The following TP53BP1 variants were observed in gnomAD, a reference collection of about 807,000 sequenced individuals.
TP53BP1 encodes the protein TP53-binding protein 1.
TP53BP1 carries 61 observed loss-of-function variants against 200.8 expected under a neutral mutation model. The ratio of observed to expected loss-of-function variants is 0.30; its 90% CI spans 0.25 to 0.38. TP53BP1 has a LOEUF of 0.38. Ranked by LOEUF, TP53BP1 falls within the 10% of genes least tolerant of loss-of-function variation. The pLI is 1.00. For missense variants in TP53BP1, 2,144 were observed against 2,371.9 expected (o/e 0.90, Z 2.00); for synonymous variants, 822 against 844.3 (o/e 0.97, Z 0.46).
At chr15:43,465,726 C>T (rs1448510353) in intron 11 of TP53BP1, among the ~76,000 whole-genome samples, 1 of 152,178 alleles carries the variant, frequency 6.6e-6, no homozygotes, top group Non-Finnish European at 1.5e-5. Flanking sequence ...GAAAATCCTA[C>T]AGGATTCCAG....
chr15:43,438,279 T>C (rs371955515), intron 16 of TP53BP1, 45 bp downstream of exon 16: 332 of 1,557,692 alleles, frequency 2.1e-4, no homozygotes, highest in Non-Finnish European at 2.7e-4. Context: ...CTAACCATTT[T>C]GTGAACCAAT....
At chr15:43,500,397 A>G (rs955713588) in intron 1 of TP53BP1, among the ~76,000 whole-genome samples, 2 of 152,130 alleles carry the variant, frequency 1.3e-5, no homozygotes, top group African/African-American at 4.8e-5. Flanking sequence ...CTTTTGTTGA[A>G]ATTTTTTTTT....
chr15:43,469,820 AAT>A, intron 11 of TP53BP1, 36 bp downstream of exon 11: 5 of 1,534,376 alleles, frequency 3.3e-6, no homozygotes, highest in African/African-American at 1.4e-5. Flanking sequence ...GCTTTAAAAA[AAT>A]ATGTTAGGAG....
At chr15:43,495,520 C>CAT (rs2079177447), upstream of TP53BP1, among the ~76,000 whole-genome samples, 1 of 145,492 alleles carries the variant, frequency 6.9e-6, no homozygotes, top group Non-Finnish European at 1.5e-5. Flanking sequence ...CACACACACA[C>CAT]ACACACACAC....
intron 13 of TP53BP1, 114 bp from the exon 14 acceptor site, chr15:43,446,704 A>G (rs980142079): frequency 1.3e-6 from 2 of 1,541,604 alleles, no homozygotes; most frequent in Non-Finnish European, 1.7e-6. Context: ...TGCAGGATTG[A>G]AGGAGGTTCC....
upstream of TP53BP1, among the ~76,000 whole-genome samples, chr15:43,494,558 T>G (rs2079168698): frequency 6.6e-6 from 1 of 152,226 alleles, no homozygotes; most frequent in Admixed American, 6.5e-5. Context: ...CACACAGAGA[T>G]GCATCTCACT....
intron 4 of TP53BP1, among the ~76,000 whole-genome samples, chr15:43,484,630 T>C (rs1202259054): frequency 6.6e-6 from 1 of 152,224 alleles, no homozygotes; most frequent in Non-Finnish European, 1.5e-5. Flanking sequence ...ACAGCCACAC[T>C]AACCTCCCTG....
intron 17 of TP53BP1, 102 bp from the exon 18 acceptor site, chr15:43,428,270 T>C: frequency 9.8e-7 from 1 of 1,017,798 alleles, no homozygotes; most frequent in Admixed American, 2.2e-5. Flanking sequence ...GCTCCATGAA[T>C]CTAGTGTGAC....
chr15:43,458,526 C>T (rs2046354874), intron 11 of TP53BP1, among the ~76,000 whole-genome samples: 1 of 152,050 alleles, frequency 6.6e-6, no homozygotes, highest in Non-Finnish European at 1.5e-5. Context: ...CACCTGTAAT[C>T]CCAGCACTTT....
At chr15:43,440,016 G>A (rs2045889015) in intron 15 of TP53BP1, among the ~76,000 whole-genome samples, 1 of 152,172 alleles carries the variant, frequency 6.6e-6, no homozygotes, top group African/African-American at 2.4e-5. Context: ...GCCCAATGAG[G>A]AACTAATCTC....
At chr15:43,483,460 A>T (rs1401416042) in intron 4 of TP53BP1, among the ~76,000 whole-genome samples, 1 of 152,216 alleles carries the variant, frequency 6.6e-6, no homozygotes, top group Non-Finnish European at 1.5e-5. Context: ...AAAAAGAGAG[A>T]AAAGATGCCA....
intron 11 of TP53BP1, among the ~76,000 whole-genome samples, chr15:43,461,059 C>T (rs914420881): frequency 6.6e-6 from 1 of 150,976 alleles, no homozygotes; most frequent in Admixed American, 6.6e-5. Context: ...TAGCAAAACA[C>T]AACAGCCCTG....
chr15:43,485,334 T>C (rs1360844499), intron 4 of TP53BP1, among the ~76,000 whole-genome samples: 14 of 152,072 alleles, frequency 9.2e-5, no homozygotes, highest in Admixed American at 6.5e-4. Context: ...TCCCAGCACT[T>C]TGGGAGGCTG....
Position 43,416,435 on chromosome 15 carries a change from A to T in TP53BP1, c.4682-19T>A. 2 of 1,611,080 alleles carry T rather than the reference A, an allele frequency of 1.2e-6. No homozygotes were observed. The highest frequency in any genetic ancestry group is 2.2e-5 in the East Asian group (1 of 44,868). ...ACCACTCCTGGGGGGTGGAAAGCAT[A>T]AAAGAAGCTTGCTGTTGTCTTAGGC... On this transcript the variant is annotated intron_variant, in intron 21 of 27. Coordinates refer to ENST00000382044, the MANE Select transcript of TP53BP1 (RefSeq NM_001141980.3).
In TP53BP1 at chr15:43,420,477, A is replaced by G. The variant is rs1298757419; in HGVS notation, c.4509T>C (p.Asn1503=). The G allele has an allele frequency of 6.2e-7, 1 of 1,614,198 alleles. No homozygotes were observed. Among genetic ancestry groups the G allele is most frequent in the Non-Finnish European group, 8.5e-7 (1 of 1,180,036 alleles). ...GLRVVAKWSS[N]GYFYSGKITR... is the part of the protein sequence containing the mutation. ...TGATTTTCCCAGAGTAAAAGTAGCC[A>G]TTGGATGACCACTTGGCTACAACAC... is the stretch of plus-strand genomic sequence containing the variant. Residue 1503 remains asparagine, a synonymous_variant, in exon 21 of 28, where the codon AAT becomes AAC. Coordinates refer to ENST00000382044, the MANE Select transcript of TP53BP1 (RefSeq NM_001141980.3).
At chr15:43,410,398 A>G (rs2045079445) in intron 24 of TP53BP1, among the ~76,000 whole-genome samples, 1 of 152,182 alleles carries the variant, frequency 6.6e-6, no homozygotes, top group Non-Finnish European at 1.5e-5. Flanking sequence ...CTGAACACCA[A>G]TGACTGCTCT....
Position 43,434,163 on chromosome 15 carries a change from G to A in TP53BP1, c.3192-1486C>T, listed in dbSNP as rs2045737201. On this transcript the variant is annotated intron_variant, in intron 16 of 27. Coordinates refer to ENST00000382044, the MANE Select transcript of TP53BP1 (RefSeq NM_001141980.3). ...GAATATATGGTCCAATGAAGAAGAA[G>A]TAAGAACAAGACCACCAGGAGACAC... 2.6e-5 allele frequency among the ~76,000 whole-genome samples: 4 copies of A among 152,202 alleles called. No individual in the cohort carries two copies. The South Asian group carries it at 8.3e-4, about 32-fold the overall frequency.
chr15:43,409,641 C>T lies in TP53BP1; in HGVS notation c.5400+6G>A. ...CTATATTAGGTTACACAAAGAAACT[C>T]CTCACCTGGGCTTCATTGAAATCTT... On this transcript the variant is annotated splice_donor_region_variant and intron_variant, in intron 25 of 27. Transcript: ENST00000382044. The T allele has an allele frequency of 6.6e-7, 1 of 1,508,244 alleles. No individual in the cohort carries two copies. Among genetic ancestry groups the T allele is most frequent in the Non-Finnish European group, 8.9e-7 (1 of 1,117,490 alleles). 93.4% of individuals were successfully genotyped at this position (1,508,244 alleles called of 1,614,324 possible). A position where few individuals can be genotyped will look rare whatever the true frequency, so the allele number is the denominator to read the frequency against.
At chr15:43,426,647 C>T (rs2045541234) in intron 18 of TP53BP1, among the ~76,000 whole-genome samples, 1 of 151,844 alleles carries the variant, frequency 6.6e-6, no homozygotes, top group South Asian at 2.1e-4. Context: ...TAGAGTTTAA[C>T]TCTCCCTGAG....
Sources: gnomAD v4.1 joint callset for allele counts (sites outside exome capture counted in the v4.1 genomes callset) on GRCh38, gnomAD v4.1.1 for gene constraint, MANE v1.5 for transcripts, NCBI Gene and HGNC (gene_info 2026-07-23, HGNC 2026-07-21) for gene names.